Variants in ATP1A4 observed in about 807,000 individuals in gnomAD.
The protein encoded by ATP1A4 is sodium/potassium-transporting ATPase subunit alpha-4.
Under a neutral mutation model 114.3 loss-of-function variants are expected in ATP1A4, and 90 were observed. That is an observed-to-expected ratio of 0.79 (90% CI 0.66 to 0.94). ATP1A4 has a LOEUF of 0.94. Ranked by LOEUF, ATP1A4 falls within the 40% of genes least tolerant of loss-of-function variation. The pLI is 0.00. For synonymous variants in ATP1A4, 511 were observed against 494.1 expected, an observed-to-expected ratio of 1.03 and a Z score of -0.45; for missense variants, 1,222 against 1,313.6, an observed-to-expected ratio of 0.93 and a Z score of 1.08.
At chr1:160,152,436 C>T (rs972171101) in intron 1 of ATP1A4, among the ~76,000 whole-genome samples, 4 of 152,158 alleles carry the variant, frequency 2.6e-5, no homozygotes, top group South Asian at 4.2e-4. Context: ...TTCCACAGTC[C>T]ACTGCCACTT....
rs201785038 is a variant in ATP1A4, at chr1:160,155,155, A to G, written c.318A>G (p.Gly106=). The change falls in exon 3 of 22, where the codon GGA becomes GGG. Residue 106 remains glycine (G), a synonymous_variant. Coordinates refer to ENST00000368081, the MANE Select transcript of ATP1A4 (RefSeq NM_144699.4). ...TCAAATTCTGTAAGCAACTGTTCGG[A>G]GGCTTCTCCCTCCTACTATGGACTG... ...EWVKFCKQLF[G]GFSLLLWTGA... 1,080 of 1,611,440 alleles carry G rather than the reference A, an allele frequency of 6.7e-4. 1 individual carries two copies. The highest frequency in any genetic ancestry group is 8.8e-4 in the Non-Finnish European group (1,040 of 1,179,388).
At chr1:160,158,629 C>G (rs1652757142) in intron 4 of ATP1A4, among the ~76,000 whole-genome samples, 1 of 152,102 alleles carries the variant, frequency 6.6e-6, no homozygotes, top group Non-Finnish European at 1.5e-5. Flanking sequence ...ATCCTCCCAC[C>G]TCGGCCTCCC....
chr1:160,153,633 A>G (rs928253862), intron 2 of ATP1A4, among the ~76,000 whole-genome samples: 3 of 152,196 alleles, frequency 2.0e-5, no homozygotes, highest in African/African-American at 7.2e-5. Flanking sequence ...TAAAGTTATC[A>G]TATATTCATA....
intron 20 of ATP1A4, chr1:160,183,234 G>A (rs544121792): frequency 4.4e-4 from 67 of 152,306 alleles, no homozygotes; most frequent in Admixed American, 4.1e-3. Flanking sequence ...GATAGACCTT[G>A]CAGAGTGTTG....
chr1:160,156,712 G>T (rs772577195), intron 4 of ATP1A4, among the ~76,000 whole-genome samples: 1 of 152,086 alleles, frequency 6.6e-6, no homozygotes, highest in African/African-American at 2.4e-5. Context: ...CAGCTGAGAC[G>T]GGAGGATTAC....
At position 160,186,387 on chromosome 1, in the gene ATP1A4, C is replaced by A. The variant is rs755739636; in HGVS notation, c.3061+20C>A. 6.3e-7 allele frequency: 1 copy of A among 1,584,720 alleles called. No homozygotes were observed. The highest frequency in any genetic ancestry group is 8.6e-7 in the Non-Finnish European group (1 of 1,156,142). On this transcript the variant is annotated intron_variant, in intron 21 of 21. Coordinates refer to ENST00000368081, the MANE Select transcript of ATP1A4 (RefSeq NM_144699.4). ...CGGATGGTGAGGCTCCCCTGGGCCC[C>A]GCTCTGACTGAGTGGTCACCAGCCC...
At position 160,173,740 on chromosome 1, in the gene ATP1A4, G is replaced by A. The variant is rs756125497; in HGVS notation, c.1991+23G>A. 7 of 1,611,070 alleles carry A rather than the reference G, an allele frequency of 4.3e-6. No individual in the cohort carries two copies. In the South Asian group the frequency reaches 7.7e-5, roughly 18 times the overall value. ...CAGGTGAGATCACTAAAGAACTCAA[G>A]ATCTGCCATGTTCCCTCCATCCCCA... On this transcript the variant is annotated intron_variant, in intron 13 of 21. Transcript: ENST00000368081.
At chr1:160,164,097 A>G in intron 6 of ATP1A4, 59 bp from the exon 7 acceptor site, 21 of 1,576,378 alleles carry the variant, frequency 1.3e-5, no homozygotes, top group Non-Finnish European at 1.8e-5. Flanking sequence ...GCAGAGACCA[A>G]TATCTATACT....
Position 160,166,637 on chromosome 1 carries a change from C to G in ATP1A4, c.1157C>G (p.Thr386Arg). 6.2e-7 allele frequency: 1 copy of G among 1,614,202 alleles called. No homozygotes were observed. Among genetic ancestry groups the G allele is most frequent in the South Asian group, 1.1e-5 (1 of 91,076 alleles). The change falls in exon 8 of 22, where the codon ACG becomes AGG. Residue 386 changes from threonine to arginine, a missense_variant. Thr to Arg is a moderately conservative substitution (Grantham distance 71). Transcript: ENST00000368081. Reference sequence around the variant, plus strand: ...ACGTCCACCATCTGCTCAGACAAGACGGGCACCCTCACCCAGAACCGCATG... The same window carrying G: ...ACGTCCACCATCTGCTCAGACAAGAGGGGCACCCTCACCCAGAACCGCATG... ...GSTSTICSDKTGTLTQNRMTV... is the reference protein window; with the variant it reads ...GSTSTICSDKRGTLTQNRMTV...
intron 12 of ATP1A4, among the ~76,000 whole-genome samples, chr1:160,172,292 G>A (rs1237491740): frequency 1.3e-5 from 2 of 152,176 alleles, no homozygotes; most frequent in Admixed American, 6.5e-5. Context: ...ATGTGCTGCC[G>A]AGATGGGCGG....
At chr1:160,152,925 T>C (rs1369392975) in intron 1 of ATP1A4, among the ~76,000 whole-genome samples, 1 of 152,044 alleles carries the variant, frequency 6.6e-6, no homozygotes, top group Non-Finnish European at 1.5e-5. Flanking sequence ...TCCCAGCTGC[T>C]TGGGAGGCTG....
intron 5 of ATP1A4, 109 bp from the exon 6 acceptor site, chr1:160,159,300 A>T: frequency 3.0e-6 from 4 of 1,349,236 alleles, no homozygotes; most frequent in Non-Finnish European, 4.1e-6. Flanking sequence ...TGTTTCTCTC[A>T]GTCTGTCAGT....
chr1:160,163,791 A>G (rs985809027), intron 6 of ATP1A4, among the ~76,000 whole-genome samples: 9 of 152,182 alleles, frequency 5.9e-5, no homozygotes, highest in Non-Finnish European at 1.3e-4. Flanking sequence ...CAGTCCATGA[A>G]CTGCAAGTTC....
chr1:160,154,151 G>A (rs1652553885), intron 2 of ATP1A4, among the ~76,000 whole-genome samples: 1 of 152,042 alleles, frequency 6.6e-6, no homozygotes, highest in African/African-American at 2.4e-5. Context: ...GTCAGTAGTT[G>A]GAGACCAGCC....
At chr1:160,173,977 C>T in intron 13 of ATP1A4, 134 bp from the exon 14 acceptor site, 1 of 1,170,694 alleles carries the variant, frequency 8.5e-7, no homozygotes, top group Non-Finnish European at 1.2e-6. Context: ...AATTTGGGGA[C>T]AATATAGGGC....
At chr1:160,172,609 C>G (rs939186412) in intron 12 of ATP1A4, among the ~76,000 whole-genome samples, 2 of 152,162 alleles carry the variant, frequency 1.3e-5, no homozygotes, top group Non-Finnish European at 2.9e-5. Flanking sequence ...TAAGACTCAT[C>G]ATATACATCT....
chr1:160,156,002 C>T (rs747857411), intron 3 of ATP1A4, 43 bp from the exon 4 acceptor site: 43 of 1,224,998 alleles, frequency 3.5e-5, no homozygotes, highest in Middle Eastern at 3.8e-4. Context: ...ATGAAGAAGA[C>T]GACAAGGTCC....
rs555368555 is a variant in ATP1A4 at position 160,164,257 on chromosome 1, G to T, written c.880G>T (p.Ala294Ser). ...GGCGGTTGGCCAGACACCTATCGCT[G>T]CTGAGATCGAACACTTCATCCATCT... Reference protein sequence around the residue: ...GLAVGQTPIAAEIEHFIHLIT... With the variant: ...GLAVGQTPIASEIEHFIHLIT... Residue 294 changes from alanine (A) to serine (S), a missense_variant, in exon 7 of 22, where the codon GCT becomes TCT. Ala to Ser is a moderately conservative substitution (Grantham distance 99). Transcript: ENST00000368081. The T allele has an allele frequency of 4.5e-4, 726 of 1,614,212 alleles. 14 individuals carry two copies. In the South Asian group the frequency reaches 7.6e-3, roughly 17 times the overall value.
intron 10 of ATP1A4, chr1:160,169,917 C>T (rs12239577): frequency 6.6e-6 from 1 of 152,336 alleles, no homozygotes; most frequent in East Asian, 1.9e-4. Flanking sequence ...AGACAGAGGC[C>T]CAGGGACTAG....
Sources: allele counts gnomAD v4.1 joint callset (sites outside exome capture counted in the v4.1 genomes callset), GRCh38; gene constraint gnomAD v4.1.1; transcripts MANE v1.5; gene names NCBI Gene and HGNC (gene_info 2026-07-23, HGNC 2026-07-21).